FAM204A: variants seen among roughly 807,000 people sequenced by gnomAD.
The protein encoded by FAM204A is family with sequence similarity 204 member A.
FAM204A carries 16 observed loss-of-function variants against 35.4 expected under a neutral mutation model. That is an observed-to-expected ratio of 0.45 (90% confidence interval 0.31 to 0.69). The LOEUF (loss-of-function observed/expected upper bound fraction) is 0.69. Ranked by LOEUF, FAM204A falls within the 30% of genes least tolerant of loss-of-function variation. The pLI is 0.07. For synonymous variants in FAM204A, 76 were observed against 86.9 expected (o/e 0.88, Z 0.70); for missense variants, 240 against 265.7 (o/e 0.90, Z 0.67).
At chr10:118,333,196 G>T (rs751173602) in intron 6 of FAM204A, among the ~76,000 whole-genome samples, 29 of 152,186 alleles carry the variant, frequency 1.9e-4, no homozygotes, top group Non-Finnish European at 4.1e-4. Flanking sequence ...AAAAAAGACT[G>T]CACGATAGAC....
chr10:118,318,358 T>A (rs1233098011), intron 7 of FAM204A, among the ~76,000 whole-genome samples: 1 of 152,052 alleles, frequency 6.6e-6, no homozygotes, highest in Non-Finnish European at 1.5e-5. Context: ...ACCTACATTA[T>A]ATTCGTCATA....
intron 7 of FAM204A, among the ~76,000 whole-genome samples, chr10:118,322,673 A>G (rs930416248): frequency 2.0e-5 from 3 of 152,176 alleles, no homozygotes; most frequent in Admixed American, 1.3e-4. Flanking sequence ...AAGTATGTCA[A>G]ATTAGAAAAC....
intron 7 of FAM204A, among the ~76,000 whole-genome samples, chr10:118,317,610 A>T (rs1441293621): frequency 2.6e-5 from 4 of 152,020 alleles, no homozygotes; most frequent in African/African-American, 9.7e-5. Context: ...TCTGATATTA[A>T]AATGCTGCAG....
intron 6 of FAM204A, among the ~76,000 whole-genome samples, chr10:118,331,182 A>G (rs181019542): frequency 1.3e-5 from 2 of 152,280 alleles, no homozygotes; most frequent in Admixed American, 1.3e-4. Context: ...CATGAAATAG[A>G]GTCTGAGTAT....
chr10:118,326,558 T>G (rs1421847908), intron 6 of FAM204A, among the ~76,000 whole-genome samples: 2 of 152,182 alleles, frequency 1.3e-5, no homozygotes, highest in African/African-American at 4.8e-5. Flanking sequence ...TTATGGAGTG[T>G]TTATTACGTG....
intron 6 of FAM204A, among the ~76,000 whole-genome samples, chr10:118,327,950 A>G (rs1366093213): frequency 1.3e-5 from 2 of 152,212 alleles, no homozygotes; most frequent in Non-Finnish European, 2.9e-5. Flanking sequence ...GTGACAGAGC[A>G]AGACCCTGTC....
chr10:118,327,023 A>C (rs903868520), intron 6 of FAM204A, among the ~76,000 whole-genome samples: 1 of 152,254 alleles, frequency 6.6e-6, no homozygotes, highest in East Asian at 1.9e-4. Context: ...GCTTAGACTT[A>C]AATAACTGGA....
intron 2 of FAM204A, among the ~76,000 whole-genome samples, chr10:118,338,554 CT>C (rs1358241900): frequency 7.0e-4 from 106 of 152,280 alleles, no homozygotes; most frequent in African/African-American, 2.4e-3. Context: ...TACATGCCCA[CT>C]TATGTGCCAG....
At position 118,322,340 on chromosome 10, in the gene FAM204A, G is replaced by C. The variant is rs74553799; in HGVS notation, c.543+3814C>G. ...TAATCGAAGTAACACCATCAGGAAA[G>C]GGACAAAGAGACAGCACGAGTCTCT... On this transcript the variant is annotated intron_variant, in intron 7 of 8. Transcript: ENST00000369183. The C allele has an allele frequency of 2.6e-4, 117 of 456,322 alleles. 1 individual carries two copies. The East Asian group carries it at 6.8e-3, about 27-fold the overall frequency. 28.3% of individuals were successfully genotyped at this position (456,322 alleles called of 1,614,324 possible).
rs370720591 is a variant in FAM204A at position 118,336,642 on chromosome 10, G to C, written c.-8-219C>G. On this transcript the variant is annotated intron_variant, in intron 2 of 8. Coordinates refer to ENST00000369183, the MANE Select transcript of FAM204A (RefSeq NM_022063.3). ...AAAAAAAAAGTTTAGAAGTTTAAAA[G>C]CTGTTTAAACAAGTTTGTTACAACA... Among the ~76,000 whole-genome samples the C allele has an allele frequency of 4.6e-5, 7 of 151,562 alleles. 1 individual carries two copies. The East Asian group carries it at 7.7e-4, about 17-fold the overall frequency.
At chr10:118,331,102 T>C (rs1846282152) in intron 6 of FAM204A, among the ~76,000 whole-genome samples, 1 of 152,222 alleles carries the variant, frequency 6.6e-6, no homozygotes, top group Admixed American at 6.5e-5. Flanking sequence ...GGCTACAGAC[T>C]GCATTATACT....
At position 118,342,274 on chromosome 10, in the gene FAM204A, C is replaced by G. The variant is rs899864021; in HGVS notation, c.-214G>C. ...CCCTCCATAAGCCGTACTCACCTGTCAGGAAGTGGTCGCCCAGCAGCCATC... is the reference window on the plus strand; with the variant it reads ...CCCTCCATAAGCCGTACTCACCTGTGAGGAAGTGGTCGCCCAGCAGCCATC... On this transcript the variant is annotated 5_prime_UTR_variant, in exon 1 of 9. Transcript: ENST00000369183. 5 of 152,426 alleles carry G rather than the reference C, an allele frequency of 3.3e-5. No individual in the cohort carries two copies. Among genetic ancestry groups the G allele is most frequent in the African/African-American group, 1.2e-4 (5 of 41,470 alleles). 9.4% of individuals were successfully genotyped at this position (152,426 alleles called of 1,614,324 possible).
chr10:118,334,538 A>C (rs1846348890), intron 6 of FAM204A, among the ~76,000 whole-genome samples: 1 of 152,194 alleles, frequency 6.6e-6, no homozygotes, highest in South Asian at 2.1e-4. Flanking sequence ...ACCAGGTAAC[A>C]GTCATACGAA....
chr10:118,310,743 A>G lies in FAM204A; in HGVS notation c.*114T>C. 3 of 873,084 alleles carry G rather than the reference A, an allele frequency of 3.4e-6. No homozygotes were observed. Among genetic ancestry groups the G allele is most frequent in the Middle Eastern group, 3.4e-4 (1 of 2,928 alleles). The allele number at this position is 873,084 out of a possible 1,614,324, so 54.1% of individuals were successfully genotyped here. A position where few individuals can be genotyped will look rare whatever the true frequency, so the allele number is the denominator to read the frequency against. ...GCTGATAATCAAAATCCCAAATTTT[A>G]TGCTTATTTTTGTTTTAGTGCTATC... On this transcript the variant is annotated 3_prime_UTR_variant, in exon 9 of 9. Coordinates refer to ENST00000369183, the MANE Select transcript of FAM204A (RefSeq NM_022063.3).
rs1034069926 is a variant in FAM204A at position 118,306,265 on chromosome 10, G to A, written c.*4592C>T. The A allele has an allele frequency of 1.3e-5, 2 of 152,308 alleles. No individual in the cohort carries two copies. The highest frequency in any genetic ancestry group is 2.9e-5 in the Non-Finnish European group (2 of 68,106). 9.4% of individuals were successfully genotyped at this position (152,308 alleles called of 1,614,324 possible). On this transcript the variant is annotated 3_prime_UTR_variant, in exon 9 of 9. Coordinates refer to ENST00000369183, the MANE Select transcript of FAM204A (RefSeq NM_022063.3). ...CTGGAGCTGCCAGGATGGTGCCAGT[G>A]GGCAGGCACGGGGGAAACCTGGCAG...
At position 118,306,470 on chromosome 10, in the gene FAM204A, C is replaced by A. The variant is rs1224297195; in HGVS notation, c.*4387G>T. ...TTTACTTGAATCTAAAAATGAGTTA[C>A]TACTACTACTAATAAAAAGATATTC... On this transcript the variant is annotated 3_prime_UTR_variant, in exon 9 of 9. Transcript: ENST00000369183. 6.6e-6 allele frequency: 1 copy of A among 152,192 alleles called. No individual in the cohort carries two copies. The highest frequency in any genetic ancestry group is 1.5e-5 in the Non-Finnish European group (1 of 68,034). 9.4% of individuals were successfully genotyped at this position (152,192 alleles called of 1,614,324 possible).
chr10:118,336,786 C>G (rs1482373225), intron 2 of FAM204A, among the ~76,000 whole-genome samples: 1 of 152,062 alleles, frequency 6.6e-6, no homozygotes, highest in Non-Finnish European at 1.5e-5. Context: ...TAACAACATA[C>G]TTTGCAAGCA....
chr10:118,311,937 G>A (rs937197221), intron 7 of FAM204A, among the ~76,000 whole-genome samples: 1 of 152,092 alleles, frequency 6.6e-6, no homozygotes, highest in African/African-American at 2.4e-5. Context: ...CCCTCTATGT[G>A]TGCCCCCCTT....
At chr10:118,325,518 A>G (rs950753077) in intron 7 of FAM204A, among the ~76,000 whole-genome samples, 4 of 152,092 alleles carry the variant, frequency 2.6e-5, no homozygotes, top group African/African-American at 9.7e-5. Context: ...CAAAGCAACA[A>G]CAATAATAAC....
Sources: allele counts gnomAD v4.1 joint callset (sites outside exome capture counted in the v4.1 genomes callset), GRCh38; gene constraint gnomAD v4.1.1; transcripts MANE v1.5; gene names NCBI Gene and HGNC (gene_info 2026-07-23, HGNC 2026-07-21).